GRM1: variants seen among roughly 807,000 people sequenced by gnomAD.
GRM1 encodes the protein metabotropic glutamate receptor 1.
A neutral mutation model predicts 90.9 loss-of-function variants in GRM1; 33 were observed. The ratio of observed to expected loss-of-function variants is 0.36; its 90% CI spans 0.28 to 0.49. The LOEUF is 0.49. Among genes scored for constraint, GRM1 ranks in the 20% least tolerant of loss-of-function variants. The pLI is 0.99. For synonymous variants in GRM1, 700 were observed against 613.2 expected (o/e 1.14, Z -2.09); for missense variants, 1,190 against 1,534.3 (o/e 0.78, Z 3.75).
chr6:146,142,713 A>G (rs1335225650), intron 1 of GRM1, among the ~76,000 whole-genome samples: 1 of 151,694 alleles, frequency 6.6e-6, no homozygotes, highest in African/African-American at 2.4e-5. Context: ...GCTACTGCCT[A>G]TGTTCACTCA....
chr6:146,418,604 A>G (rs144728224), intron 7 of GRM1, among the ~76,000 whole-genome samples: 1,949 of 151,824 alleles, frequency 0.013, 47 homozygotes, highest in African/African-American at 0.045. Context: ...ATGACATTCA[A>G]TATTAAATTT....
intron 1 of GRM1, 54 bp downstream of exon 1, chr6:146,030,271 A>G (rs1790658735): frequency 6.0e-6 from 7 of 1,173,216 alleles, no homozygotes; most frequent in Non-Finnish European, 8.9e-6. Context: ...GCAATGCATG[A>G]TGTGCTCCTG....
At chr6:146,338,715 C>T (rs920626996) in intron 3 of GRM1, among the ~76,000 whole-genome samples, 36 of 152,302 alleles carry the variant, frequency 2.4e-4, no homozygotes, top group African/African-American at 7.5e-4. Context: ...TCCCTGGCTT[C>T]CTGCAGTGGA....
chr6:146,160,533 C>T (rs1056625919), intron 2 of GRM1, among the ~76,000 whole-genome samples: 29 of 152,118 alleles, frequency 1.9e-4, no homozygotes, highest in African/African-American at 5.1e-4. Context: ...ACTCATCTTC[C>T]GAAGCTCTTT....
At chr6:146,236,762 A>C (rs1281322943) in intron 2 of GRM1, among the ~76,000 whole-genome samples, 1 of 151,944 alleles carries the variant, frequency 6.6e-6, no homozygotes, top group Non-Finnish European at 1.5e-5. Context: ...TGTCATGGAG[A>C]GATAGGAGAG....
intron 7 of GRM1, among the ~76,000 whole-genome samples, chr6:146,409,806 C>G (rs1225296446): frequency 6.6e-6 from 1 of 152,158 alleles, no homozygotes; most frequent in African/African-American, 2.4e-5. Context: ...CAACTTAATA[C>G]TAGCCTCTAT....
At chr6:146,044,826 G>T (rs1185760756) in intron 1 of GRM1, among the ~76,000 whole-genome samples, 1 of 151,922 alleles carries the variant, frequency 6.6e-6, no homozygotes, top group African/African-American at 2.4e-5. Flanking sequence ...ATTTTTTGAA[G>T]TGCTTATATT....
intron 7 of GRM1, among the ~76,000 whole-genome samples, chr6:146,430,590 G>A (rs1267865276): frequency 6.6e-6 from 1 of 152,202 alleles, no homozygotes; most frequent in African/African-American, 2.4e-5. Flanking sequence ...AACGATTAAA[G>A]TTATCTGGGA....
Position 146,055,378 on chromosome 6 carries a change from A to C in GRM1, c.700+25161A>C, listed in dbSNP as rs150699696. On this transcript the variant is annotated intron_variant, in intron 1 of 7. Coordinates refer to ENST00000282753, the MANE Select transcript of GRM1 (RefSeq NM_001278064.2). ...AAATACATTTGAAATAACTAACCAC[A>C]CCTTTTTTTAATTTTTAGGAAAGCG... Among the ~76,000 whole-genome samples the C allele has an allele frequency of 7.4e-4, 113 of 152,050 alleles. 1 individual carries two copies. The East Asian group carries it at 0.017, about 23-fold the overall frequency.
intron 1 of GRM1, among the ~76,000 whole-genome samples, chr6:146,036,937 A>G (rs1047339345): frequency 1.3e-5 from 2 of 151,986 alleles, no homozygotes; most frequent in Non-Finnish European, 2.9e-5. Flanking sequence ...TATTATTACT[A>G]CTAATATTTG....
At chr6:146,222,770 G>T (rs1780114017) in intron 2 of GRM1, among the ~76,000 whole-genome samples, 3 of 152,002 alleles carry the variant, frequency 2.0e-5, no homozygotes, top group Admixed American at 2.0e-4. Context: ...GCCCAGTGAA[G>T]TTGACACATA....
At chr6:146,155,574 T>C (rs954520857) in intron 1 of GRM1, among the ~76,000 whole-genome samples, 5 of 152,222 alleles carry the variant, frequency 3.3e-5, no homozygotes, top group African/African-American at 1.2e-4. Flanking sequence ...TAGAGGTTGC[T>C]TTAAGCTAAC....
chr6:146,175,476 C>T (rs1778305702), intron 2 of GRM1, among the ~76,000 whole-genome samples: 1 of 152,160 alleles, frequency 6.6e-6, no homozygotes, highest in Non-Finnish European at 1.5e-5. Context: ...GTTGTCTGGA[C>T]ATGTCTATAT....
At chr6:146,244,847 G>A (rs918713883) in intron 2 of GRM1, among the ~76,000 whole-genome samples, 8 of 152,236 alleles carry the variant, frequency 5.3e-5, no homozygotes, top group African/African-American at 9.6e-5. Context: ...ACATGCAGCC[G>A]TGAATTCACT....
chr6:146,163,793 T>G (rs1777816378), intron 2 of GRM1, among the ~76,000 whole-genome samples: 1 of 152,212 alleles, frequency 6.6e-6, no homozygotes, highest in South Asian at 2.1e-4. Context: ...AGAAAATTAT[T>G]TTACATTTCT....
At chr6:146,335,754 A>G (rs553215134) in intron 3 of GRM1, among the ~76,000 whole-genome samples, 111 of 152,308 alleles carry the variant, frequency 7.3e-4, no homozygotes, top group African/African-American at 2.4e-3. Context: ...TACAATGCTT[A>G]TAATTTTTTA....
intron 2 of GRM1, among the ~76,000 whole-genome samples, chr6:146,171,143 G>A (rs538313450): frequency 2.3e-4 from 35 of 152,272 alleles, no homozygotes; most frequent in African/African-American, 8.2e-4. Context: ...ATAAAAATTT[G>A]TCTAGCTTAA....
intron 1 of GRM1, among the ~76,000 whole-genome samples, chr6:146,109,874 G>A (rs1775489558): frequency 6.6e-6 from 1 of 152,176 alleles, no homozygotes; most frequent in Admixed American, 6.5e-5. Flanking sequence ...TTTAAGATTT[G>A]ACTGCCCTGC....
chr6:146,257,343 G>T (rs1379559804), intron 2 of GRM1, among the ~76,000 whole-genome samples: 2 of 152,008 alleles, frequency 1.3e-5, no homozygotes, highest in Non-Finnish European at 2.9e-5. Flanking sequence ...TGAGTATTTA[G>T]CAGGGAGTCC....
Sources: gnomAD v4.1 joint callset for allele counts (sites outside exome capture counted in the v4.1 genomes callset) on GRCh38, gnomAD v4.1.1 for gene constraint, MANE v1.5 for transcripts, NCBI Gene and HGNC (gene_info 2026-07-23, HGNC 2026-07-21) for gene names.